Variants in ZNF385B observed in about 807,000 individuals in gnomAD.
The protein encoded by ZNF385B is zinc finger protein 385B, also known as zinc finger protein 533.
ZNF385B carries 23 observed loss-of-function variants against 39.2 expected under a neutral mutation model. The observed-to-expected ratio is 0.59, with a 90% CI of 0.42 to 0.83. The LOEUF (loss-of-function observed/expected upper bound fraction) is 0.83. Ranked by LOEUF, ZNF385B falls within the 40% of genes least tolerant of loss-of-function variation. The pLI is 0.00. For missense variants in ZNF385B, 552 were observed against 598.9 expected (o/e 0.92, Z 0.82); for synonymous variants, 205 against 222.6 (o/e 0.92, Z 0.70).
intron 3 of ZNF385B, among the ~76,000 whole-genome samples, chr2:179,655,797 G>C (rs941440123): frequency 6.6e-6 from 1 of 152,130 alleles, no homozygotes; most frequent in East Asian, 1.9e-4. Context: ...CCCAGTAAGG[G>C]AATAACATTC....
At chr2:179,654,586 A>G (rs9789776) in intron 3 of ZNF385B, among the ~76,000 whole-genome samples, 43,296 of 152,098 alleles carry the variant, frequency 0.28, 6,593 homozygotes, top group Non-Finnish European at 0.35. Flanking sequence ...AGAATACCAT[A>G]TTAATTCTTC....
chr2:179,513,706 T>G (rs751216983), intron 5 of ZNF385B, among the ~76,000 whole-genome samples: 14 of 152,234 alleles, frequency 9.2e-5, no homozygotes, highest in Non-Finnish European at 1.8e-4. Context: ...GTGGAAATGA[T>G]TTTTAATTAT....
At chr2:179,790,516 T>C (rs1430057512) in intron 1 of ZNF385B, among the ~76,000 whole-genome samples, 1 of 152,234 alleles carries the variant, frequency 6.6e-6, no homozygotes, top group Non-Finnish European at 1.5e-5. Context: ...AAAGTACTTC[T>C]TGAAATGCTA....
intron 3 of ZNF385B, among the ~76,000 whole-genome samples, chr2:179,689,765 G>C (rs1023357540): frequency 6.7e-6 from 1 of 149,296 alleles, no homozygotes; most frequent in African/African-American, 2.5e-5. Context: ...ACATGAAGAA[G>C]AGCGTGAGGG....
At chr2:179,676,150 A>G (rs919541339) in intron 3 of ZNF385B, among the ~76,000 whole-genome samples, 5 of 149,920 alleles carry the variant, frequency 3.3e-5, no homozygotes, top group Non-Finnish European at 5.9e-5. Context: ...GTGCAGTGGC[A>G]CGATCTCTGC....
chr2:179,625,841 T>C (rs941797697), intron 3 of ZNF385B, among the ~76,000 whole-genome samples: 3 of 152,110 alleles, frequency 2.0e-5, no homozygotes, highest in Non-Finnish European at 4.4e-5. Flanking sequence ...CCTAAAAGGA[T>C]AAAATAAAAA....
chr2:179,549,719 T>C (rs1231097811), intron 3 of ZNF385B, among the ~76,000 whole-genome samples: 1 of 149,540 alleles, frequency 6.7e-6, no homozygotes, highest in Non-Finnish European at 1.5e-5. Context: ...TGGACTGTCA[T>C]ACTTCATTTA....
chr2:179,734,138 A>G (rs576474041), intron 3 of ZNF385B, among the ~76,000 whole-genome samples: 88 of 152,320 alleles, frequency 5.8e-4, no homozygotes, highest in African/African-American at 2.1e-3. Flanking sequence ...GATGAACCAT[A>G]ATTATTATCA....
chr2:179,558,483 GCTCTGCTAGTGCTTTCTACTCCCA>G (rs1402190922), intron 3 of ZNF385B, among the ~76,000 whole-genome samples: 1 of 152,118 alleles, frequency 6.6e-6, no homozygotes, highest in African/African-American at 2.4e-5. Context: ...GTTAATATTT[GCTCTGCTAGTGCTTTCTACTCCCA>G]CTTTGGCAGA....
intron 3 of ZNF385B, among the ~76,000 whole-genome samples, chr2:179,559,153 A>G (rs2061152862): frequency 6.6e-6 from 1 of 152,190 alleles, no homozygotes. Context: ...AGAAATCTGT[A>G]TAAAATGAAG....
At chr2:179,805,122 G>A (rs1287819812) in intron 1 of ZNF385B, among the ~76,000 whole-genome samples, 1 of 152,134 alleles carries the variant, frequency 6.6e-6, no homozygotes, top group Non-Finnish European at 1.5e-5. Flanking sequence ...AGAATTCTCA[G>A]TCTTCACTTT....
chr2:179,448,656 T>C (rs13401914), intron 6 of ZNF385B, among the ~76,000 whole-genome samples: 8,463 of 152,216 alleles, frequency 0.056, 279 homozygotes, highest in Middle Eastern at 0.12. Flanking sequence ...TGATTATTCC[T>C]ATCTTAAAGA....
Position 179,614,994 on chromosome 2 carries a change from C to T in ZNF385B, c.299-70025G>A, listed in dbSNP as rs560385187. On this transcript the variant is annotated intron_variant, in intron 3 of 9. Transcript: ENST00000410066. ...TTAGACTTCTGTGATAGGTGTTATG[C>T]CTGCTATTGGGTGCAACTGACCTTG... 5.3e-5 allele frequency among the ~76,000 whole-genome samples: 8 copies of T among 152,310 alleles called. No homozygotes were observed. The East Asian group carries it at 1.2e-3, about 22-fold the overall frequency.
At chr2:179,514,474 G>A (rs1167776160) in intron 5 of ZNF385B, among the ~76,000 whole-genome samples, 1 of 152,126 alleles carries the variant, frequency 6.6e-6, no homozygotes. Context: ...CAGAAATTAG[G>A]ATATGGGCAT....
intron 4 of ZNF385B, among the ~76,000 whole-genome samples, chr2:179,533,530 T>A (rs909249841): frequency 1.3e-5 from 2 of 152,176 alleles, no homozygotes; most frequent in African/African-American, 4.8e-5. Flanking sequence ...GAACTTACAA[T>A]TAGACGCCAT....
At chr2:179,845,132 A>G (rs1177861128) in intron 1 of ZNF385B, among the ~76,000 whole-genome samples, 2 of 152,212 alleles carry the variant, frequency 1.3e-5, no homozygotes, top group African/African-American at 4.8e-5. Flanking sequence ...CCTTAAGATG[A>G]TCAGAAGAAT....
chr2:179,644,378 A>G (rs956617948), intron 3 of ZNF385B, among the ~76,000 whole-genome samples: 2 of 152,152 alleles, frequency 1.3e-5, no homozygotes, highest in East Asian at 1.9e-4. Flanking sequence ...TTTTACTGTC[A>G]TATAGCTAGA....
chr2:179,742,962 G>A (rs901937687), intron 3 of ZNF385B, among the ~76,000 whole-genome samples: 26 of 151,976 alleles, frequency 1.7e-4, no homozygotes, highest in African/African-American at 6.3e-4. Flanking sequence ...TACTTCTGAA[G>A]GAGAAATTGC....
chr2:179,799,710 G>A (rs1705908147), intron 1 of ZNF385B, among the ~76,000 whole-genome samples: 1 of 151,958 alleles, frequency 6.6e-6, no homozygotes, highest in Non-Finnish European at 1.5e-5. Context: ...ACTATTGTGG[G>A]AAAAAATAAT....
Sources: allele counts gnomAD v4.1 joint callset (sites outside exome capture counted in the v4.1 genomes callset), GRCh38; gene constraint gnomAD v4.1.1; transcripts MANE v1.5; gene names NCBI Gene and HGNC (gene_info 2026-07-23, HGNC 2026-07-21).